PRKCB: variants seen among roughly 807,000 people sequenced by gnomAD.
The protein encoded by PRKCB is protein kinase C beta, also known as protein kinase C beta type.
A neutral mutation model predicts 81.5 loss-of-function variants in PRKCB; 13 were observed. The observed-to-expected ratio is 0.16, with a 90% CI of 0.10 to 0.25. The LOEUF (loss-of-function observed/expected upper bound fraction) is 0.25. Ranked by LOEUF, PRKCB falls within the 10% of genes least tolerant of loss-of-function variation. The probability of loss-of-function intolerance (pLI) is 1.00; values close to 1 mark genes in which losing one functional copy is unlikely to be tolerated. For missense variants in PRKCB, 509 were observed against 875.7 expected (o/e 0.58, Z 5.29); for synonymous variants, 335 against 321.4 (o/e 1.04, Z -0.45).
At chr16:23,867,165 G>A (rs113101329) in intron 2 of PRKCB, among the ~76,000 whole-genome samples, 3,865 of 147,944 alleles carry the variant, frequency 0.026, 81 homozygotes, top group South Asian at 0.06. Flanking sequence ...TCACTCTGTC[G>A]CCCAGGCTGG....
chr16:24,203,603 G>C (rs1371132190), intron 16 of PRKCB, among the ~76,000 whole-genome samples: 1 of 152,134 alleles, frequency 6.6e-6, no homozygotes, highest in African/African-American at 2.4e-5. Context: ...ACTCCCAATA[G>C]AAATTCCAAC....
intron 9 of PRKCB, among the ~76,000 whole-genome samples, chr16:24,133,362 G>A (rs751013134): frequency 1.3e-5 from 2 of 152,094 alleles, no homozygotes; most frequent in Non-Finnish European, 2.9e-5. Context: ...AATAACACAT[G>A]TGCCCTGTGC....
In PRKCB at chr16:24,101,351, C is replaced by G. The variant is rs527738401; in HGVS notation, c.821+7054C>G. On this transcript the variant is annotated intron_variant, in intron 7 of 16. Coordinates refer to ENST00000643927, the MANE Select transcript of PRKCB (RefSeq NM_002738.7). ...TTGCTTCAGTTCGGGAGTTAGAGAC[C>G]AGCTTGGGCAACAATGAGATCCTGT... Among the ~76,000 whole-genome samples, 5 of 152,204 alleles carry G rather than the reference C, an allele frequency of 3.3e-5. No homozygotes were observed. The East Asian group carries it at 9.7e-4, about 29-fold the overall frequency.
intron 2 of PRKCB, among the ~76,000 whole-genome samples, chr16:23,969,621 A>T (rs1423509032): frequency 1.3e-5 from 2 of 152,192 alleles, no homozygotes; most frequent in Admixed American, 1.3e-4. Flanking sequence ...ACAGTGTCTA[A>T]CACATAGTAG....
chr16:24,061,028 G>A (rs1965966288), intron 5 of PRKCB, among the ~76,000 whole-genome samples: 2 of 152,022 alleles, frequency 1.3e-5, no homozygotes, highest in Non-Finnish European at 2.9e-5. Flanking sequence ...GTGTCACCAT[G>A]TCTAGGTACA....
chr16:24,032,268 G>C (rs1248475195), intron 4 of PRKCB, 21 bp downstream of exon 4: 10 of 1,547,628 alleles, frequency 6.5e-6, no homozygotes, highest in Middle Eastern at 1.7e-4. Flanking sequence ...TTTCTCTCTG[G>C]GGGCATCTGC....
intron 2 of PRKCB, among the ~76,000 whole-genome samples, chr16:23,936,579 A>ATTTTTTTTTTTTT (rs57643578): frequency 8.3e-5 from 8 of 96,038 alleles, no homozygotes; most frequent in South Asian, 3.9e-4. Context: ...CACCCAACTA[A>ATTTTTTTTTTTTT]TTTTTTTTTT....
At chr16:24,057,173 C>T (rs1229570692) in intron 5 of PRKCB, among the ~76,000 whole-genome samples, 3 of 152,194 alleles carry the variant, frequency 2.0e-5, no homozygotes, top group African/African-American at 7.2e-5. Flanking sequence ...AGACTCTGCC[C>T]TTCTCTGGCA....
intron 5 of PRKCB, among the ~76,000 whole-genome samples, chr16:24,089,398 G>A (rs1966347604): frequency 6.6e-6 from 1 of 152,108 alleles, no homozygotes; most frequent in African/African-American, 2.4e-5. Context: ...AACATCGAAT[G>A]CATTGTTAAG....
intron 9 of PRKCB, among the ~76,000 whole-genome samples, chr16:24,128,889 G>A (rs1456575470): frequency 2.0e-5 from 3 of 152,006 alleles, no homozygotes; most frequent in Non-Finnish European, 1.5e-5. Flanking sequence ...TTTTGCCAAC[G>A]TCTTTCAAGA....
intron 7 of PRKCB, among the ~76,000 whole-genome samples, chr16:24,094,853 A>AAGGAAGGAAGGAAGGAAGGAAGGAAGGG (rs771070281): frequency 7.2e-6 from 1 of 139,600 alleles, no homozygotes; most frequent in Non-Finnish European, 1.6e-5. Context: ...GGAAGGAAGG[A>AAGGAAGGAAGGAAGGAAGGAAGGAAGGG]AAGGAAGAAA....
chr16:23,917,565 G>A (rs1226776245), intron 2 of PRKCB, among the ~76,000 whole-genome samples: 2 of 152,358 alleles, frequency 1.3e-5, no homozygotes, highest in African/African-American at 2.4e-5. Flanking sequence ...TGCAGCTCTC[G>A]ATTATGAATG....
At chr16:24,085,464 A>T (rs1349012382) in intron 5 of PRKCB, among the ~76,000 whole-genome samples, 1 of 152,204 alleles carries the variant, frequency 6.6e-6, no homozygotes, top group Admixed American at 6.5e-5. Context: ...AGCCTCTGCC[A>T]TGTGCCTTAC....
intron 5 of PRKCB, among the ~76,000 whole-genome samples, chr16:24,081,221 G>A (rs547813138): frequency 8.6e-5 from 13 of 150,832 alleles, no homozygotes; most frequent in Admixed American, 2.0e-4. Context: ...AATACACTCC[G>A]TCCAAATGAG....
At chr16:24,182,178 G>A (rs1302973375) in intron 13 of PRKCB, among the ~76,000 whole-genome samples, 19 of 152,026 alleles carry the variant, frequency 1.2e-4, no homozygotes, top group Admixed American at 1.2e-3. Context: ...CATAATCTCT[G>A]GTTCTCAACT....
Position 24,215,100 on chromosome 16 carries a change from G to A in PRKCB, c.*284G>A, listed in dbSNP as rs1224068360. 1.8e-6 allele frequency: 2 copies of A among 1,127,620 alleles called. No individual in the cohort carries two copies. Among genetic ancestry groups the A allele is most frequent in the Admixed American group, 4.3e-5 (1 of 23,200 alleles). The allele number at this position is 1,127,620 out of a possible 1,614,324, so 69.9% of individuals were successfully genotyped here. The stretch of plus-strand genomic sequence containing the variant: ...GCATGTCAGCTAAGTAGACCCAATG[G>A]GGAGAGAAAATGCCTGCTTTCTTTC... On this transcript the variant is annotated 3_prime_UTR_variant, in exon 17 of 17. Coordinates refer to ENST00000643927, the MANE Select transcript of PRKCB (RefSeq NM_002738.7).
intron 15 of PRKCB, among the ~76,000 whole-genome samples, chr16:24,190,738 C>T (rs1426121261): frequency 2.0e-5 from 3 of 152,022 alleles, no homozygotes; most frequent in Admixed American, 6.6e-5. Context: ...AGGATGGTCT[C>T]AATCTCTTGA....
chr16:23,947,100 C>T (rs1478946685), intron 2 of PRKCB, among the ~76,000 whole-genome samples: 2 of 152,242 alleles, frequency 1.3e-5, no homozygotes, highest in African/African-American at 2.4e-5. Context: ...AAACGATCCA[C>T]CTGCCTTGGC....
intron 7 of PRKCB, among the ~76,000 whole-genome samples, chr16:24,108,078 G>T (rs1489763147): frequency 6.6e-6 from 1 of 152,050 alleles, no homozygotes; most frequent in African/African-American, 2.4e-5. Flanking sequence ...GGCAGGGGCA[G>T]GCTTTCGATT....
Sources: gnomAD v4.1 joint callset for allele counts (sites outside exome capture counted in the v4.1 genomes callset) on GRCh38, gnomAD v4.1.1 for gene constraint, MANE v1.5 for transcripts, NCBI Gene and HGNC (gene_info 2026-07-23, HGNC 2026-07-21) for gene names.